The following ATP6V1C2 variants were observed in gnomAD, a reference collection of about 807,000 sequenced individuals.
ATP6V1C2 encodes the protein V-type proton ATPase subunit C 2.
In ATP6V1C2, 45 loss-of-function variants were observed where a neutral mutation model predicts 56.8. The observed-to-expected ratio is 0.79, with a 90% CI of 0.62 to 1.02. The LOEUF is 1.02. Among genes scored for constraint, ATP6V1C2 ranks in the 50% least tolerant of loss-of-function variants. ATP6V1C2 has a pLI of 0.00. For synonymous variants in ATP6V1C2, 220 were observed against 201.3 expected (o/e 1.09, Z -0.79); for missense variants, 463 against 519.7 (o/e 0.89, Z 1.06).
Position 10,771,911 on chromosome 2 carries a change from C to T in ATP6V1C2, c.543C>T (p.Leu181=), listed in dbSNP as rs759053764. The change falls in exon 7 of 14, where the codon CTC becomes CTT. Residue 181 remains leucine, a synonymous_variant. Transcript: ENST00000272238. ...ACTTCGTGCTGGATTCTGAATATCT[C>T]GTCACACTTCTGGTCATCGTCCCCA... is the stretch of plus-strand genomic sequence containing the variant. ...KEDFVLDSEY[L]VTLLVIVPKP... The T allele has an allele frequency of 5.0e-6, 8 of 1,614,068 alleles. No homozygotes were observed. Among genetic ancestry groups the T allele is most frequent in the Non-Finnish European group, 5.1e-6 (6 of 1,179,952 alleles).
At chr2:10,728,896 C>T (rs981984414) in intron 3 of ATP6V1C2, among the ~76,000 whole-genome samples, 5 of 145,148 alleles carry the variant, frequency 3.4e-5, no homozygotes, top group Admixed American at 1.5e-4. Context: ...CTCAGGACTT[C>T]GGGAGGCCGA....
intron 5 of ATP6V1C2, among the ~76,000 whole-genome samples, chr2:10,766,683 G>A (rs1190066398): frequency 2.0e-5 from 3 of 152,208 alleles, no homozygotes; most frequent in South Asian, 2.1e-4. Context: ...GCACTATGAC[G>A]GTATAGTGCA....
chr2:10,729,647 A>G (rs780267891), intron 3 of ATP6V1C2, among the ~76,000 whole-genome samples: 4 of 152,206 alleles, frequency 2.6e-5, no homozygotes, highest in African/African-American at 4.8e-5. Context: ...GTTGAGCCCA[A>G]TAGTTTGAGA....
In ATP6V1C2 at chr2:10,785,054, C is replaced by T. The variant is rs371184708; in HGVS notation, c.*1791C>T. The T allele has an allele frequency of 5.8e-4, 843 of 1,443,378 alleles. 7 individuals carry two copies. Among genetic ancestry groups the T allele is most frequent in the South Asian group, 4.7e-3 (386 of 82,352 alleles). 89.4% of individuals were successfully genotyped at this position (1,443,378 alleles called of 1,614,324 possible). A position where few individuals can be genotyped will look rare whatever the true frequency, so the allele number is the denominator to read the frequency against. ...CCCTTAGGGAAAAATGACCAAAACA[C>T]ACACACACATTTACAATGGACTGCT... On this transcript the variant is annotated 3_prime_UTR_variant, in exon 14 of 14. Transcript: ENST00000272238.
At position 10,772,572 on chromosome 2, in the gene ATP6V1C2, C is replaced by T. The variant is rs201583924; in HGVS notation, c.600C>T (p.Tyr200=). The T allele has an allele frequency of 5.2e-5, 84 of 1,614,122 alleles. 1 individual carries two copies. The highest frequency in any genetic ancestry group is 2.0e-4 in the South Asian group (18 of 91,090). Residue 200 remains tyrosine, a synonymous_variant, in exon 8 of 14, where the codon TAC becomes TAT. Coordinates refer to ENST00000272238, the MANE Select transcript of ATP6V1C2 (RefSeq NM_001039362.2). The stretch of plus-strand genomic sequence containing the variant: ...ACTACTCACAATGGCAAAAAACCTA[C>T]GAATCTCTCTCAGACATGGTGGTCC... The part of the protein sequence containing the change: ...KPNYSQWQKT[Y]ESLSDMVVPR...
Position 10,729,365 on chromosome 2 carries a change from T to C in ATP6V1C2, c.197+2796T>C, listed in dbSNP as rs190810298. ...TTTTAGTAGAGACGGTGTTTCACCATGTCGGCCAGGCTGGTCTCGAACTCC... is the reference window on the plus strand; with the variant it reads ...TTTTAGTAGAGACGGTGTTTCACCACGTCGGCCAGGCTGGTCTCGAACTCC... On this transcript the variant is annotated intron_variant, in intron 3 of 13. Coordinates refer to ENST00000272238, the MANE Select transcript of ATP6V1C2 (RefSeq NM_001039362.2). Among the ~76,000 whole-genome samples, 1,131 of 152,134 alleles carry C rather than the reference T, an allele frequency of 7.4e-3. 13 individuals carry two copies. Among genetic ancestry groups the C allele is most frequent in the African/African-American group, 0.027 (1,100 of 41,506 alleles).
intron 3 of ATP6V1C2, among the ~76,000 whole-genome samples, chr2:10,746,848 CT>C (rs1284740115): frequency 6.6e-6 from 1 of 152,142 alleles, no homozygotes; most frequent in Admixed American, 6.6e-5. Context: ...AGTTTGGTTT[CT>C]TTTCTTTTAG....
chr2:10,782,430 A>G, intron 13 of ATP6V1C2, 55 bp downstream of exon 13: 2 of 1,591,014 alleles, frequency 1.3e-6, no homozygotes, highest in Non-Finnish European at 1.7e-6. Flanking sequence ...CTTACTTTCA[A>G]AAAACTGGTA....
rs187915251 is a variant in ATP6V1C2, at chr2:10,761,834, C to T, written c.284-2497C>T. 8.7e-4 allele frequency among the ~76,000 whole-genome samples: 133 copies of T among 152,326 alleles called. 2 individuals carry two copies. The highest frequency in any genetic ancestry group is 2.4e-3 in the African/African-American group (99 of 41,578). ...GTACTCTCGTCAACAGGCCAGGACTCGCCATGTTAATTCCAACACCAGCAT... is the reference window on the plus strand; with the variant it reads ...GTACTCTCGTCAACAGGCCAGGACTTGCCATGTTAATTCCAACACCAGCAT... On this transcript the variant is annotated intron_variant, in intron 4 of 13. Coordinates refer to ENST00000272238, the MANE Select transcript of ATP6V1C2 (RefSeq NM_001039362.2).
intron 4 of ATP6V1C2, among the ~76,000 whole-genome samples, chr2:10,760,933 C>CG (rs374505906): frequency 0.021 from 3,161 of 152,072 alleles, 107 homozygotes; most frequent in African/African-American, 0.071. Context: ...TCATGGTTGC[C>CG]GGCGGGGGTC....
Position 10,768,852 on chromosome 2 carries a change from T to G in ATP6V1C2, c.470+42T>G, listed in dbSNP as rs750084605. ...CTCCACATCTGGCGGGGGCAGGTCCTGGCGGGGGCTTAGCGCTTGCCTGTC... is the reference window on the plus strand; with the variant it reads ...CTCCACATCTGGCGGGGGCAGGTCCGGGCGGGGGCTTAGCGCTTGCCTGTC... On this transcript the variant is annotated intron_variant, in intron 6 of 13. Coordinates refer to ENST00000272238, the MANE Select transcript of ATP6V1C2 (RefSeq NM_001039362.2). 29 of 1,556,578 alleles carry G rather than the reference T, an allele frequency of 1.9e-5. No individual in the cohort carries two copies. In the South Asian group the frequency reaches 3.0e-4, roughly 16 times the overall value.
intron 12 of ATP6V1C2, among the ~76,000 whole-genome samples, chr2:10,781,559 GCA>G (rs1665358024): frequency 1.3e-5 from 2 of 152,270 alleles, no homozygotes; most frequent in South Asian, 2.1e-4. Flanking sequence ...AGCCCCGTCT[GCA>G]CAGAGTACTA....
intron 3 of ATP6V1C2, among the ~76,000 whole-genome samples, chr2:10,752,422 T>C (rs1663273142): frequency 6.6e-6 from 1 of 152,130 alleles, no homozygotes; most frequent in Non-Finnish European, 1.5e-5. Flanking sequence ...TAGGATTCAG[T>C]GACTTGAGTC....
At chr2:10,725,155 C>T (rs1387308123) in intron 2 of ATP6V1C2, among the ~76,000 whole-genome samples, 5 of 151,800 alleles carry the variant, frequency 3.3e-5, no homozygotes, top group East Asian at 1.9e-4. Context: ...GGCTCACTCC[C>T]GTAATCCCAG....
intron 2 of ATP6V1C2, among the ~76,000 whole-genome samples, chr2:10,723,654 C>T (rs1481709538): frequency 2.6e-5 from 4 of 151,490 alleles, no homozygotes; most frequent in South Asian, 4.2e-4. Flanking sequence ...CTGGCTAACA[C>T]GGTGAAACCC....
In ATP6V1C2 at chr2:10,784,817, C is replaced by T. The variant is rs1244184959; in HGVS notation, c.*1554C>T. 1.4e-5 allele frequency: 10 copies of T among 711,630 alleles called. No individual in the cohort carries two copies. The highest frequency in any genetic ancestry group is 1.1e-4 in the East Asian group (4 of 36,626). The allele number at this position is 711,630 out of a possible 1,614,324, so 44.1% of individuals were successfully genotyped here. A position where few individuals can be genotyped will look rare whatever the true frequency, so the allele number is the denominator to read the frequency against. On this transcript the variant is annotated 3_prime_UTR_variant, in exon 14 of 14. Transcript: ENST00000272238. ...AGAGAAGAACCTCTTAAAAGGCCCA[C>T]GGGTGCACCAGGGCTGAGGTCTGAT...
intron 4 of ATP6V1C2, among the ~76,000 whole-genome samples, chr2:10,762,932 C>T (rs1336025234): frequency 6.6e-6 from 1 of 152,148 alleles, no homozygotes; most frequent in Non-Finnish European, 1.5e-5. Context: ...TCCTCCACAC[C>T]AGCCTCAGAG....
In ATP6V1C2 at chr2:10,729,172, C is replaced by CTTTTTTTTTTT. The variant is rs372762251; in HGVS notation, c.197+2613_197+2614insTTTTTTTTTTT. Among the ~76,000 whole-genome samples the CTTTTTTTTTTT allele has an allele frequency of 5.8e-3, 841 of 144,832 alleles. 10 individuals are homozygous for CTTTTTTTTTTT. The highest frequency in any genetic ancestry group is 0.02 in the African/African-American group (771 of 38,566). ...AATCTGGTGTATAATCATTGGAAAA[C>CTTTTTTTTTTT]TTTTTTTTTTGAGATAGAGTCTCAC... On this transcript the variant is annotated intron_variant, in intron 3 of 13. Coordinates refer to ENST00000272238, the MANE Select transcript of ATP6V1C2 (RefSeq NM_001039362.2).
Position 10,754,829 on chromosome 2 carries a change from G to A in ATP6V1C2, c.283+763G>A, listed in dbSNP as rs188450309. Among the ~76,000 whole-genome samples, 146 of 150,626 alleles carry A rather than the reference G, an allele frequency of 9.7e-4. 2 individuals are homozygous for A. In the East Asian group the frequency reaches 0.026, roughly 26 times the overall value. ...TCCTGACCTTGTGTCCGCCCGCCTC[G>A]GCCTCCCAAAGTGCTGGGATTACAG... On this transcript the variant is annotated intron_variant, in intron 4 of 13. Coordinates refer to ENST00000272238, the MANE Select transcript of ATP6V1C2 (RefSeq NM_001039362.2).
Sources: allele counts gnomAD v4.1 joint callset (sites outside exome capture counted in the v4.1 genomes callset), GRCh38; gene constraint gnomAD v4.1.1; transcripts MANE v1.5; gene names NCBI Gene and HGNC (gene_info 2026-07-23, HGNC 2026-07-21).